The following DPPA2 variants were observed in gnomAD, a reference collection of about 807,000 sequenced individuals.
The protein encoded by DPPA2 is developmental pluripotency associated 2.
Under a neutral mutation model 36.2 loss-of-function variants are expected in DPPA2, and 26 were observed. That is an observed-to-expected ratio of 0.72 (90% confidence interval 0.53 to 1.00). The LOEUF is 1.00. Ranked by LOEUF, DPPA2 falls within the 50% of genes least tolerant of loss-of-function variation. DPPA2 has a pLI of 0.00. For synonymous variants in DPPA2, 113 were observed against 123.2 expected (o/e 0.92, Z 0.55); for missense variants, 361 against 365.1 (o/e 0.99, Z 0.09).
At chr3:109,297,086 C>G (rs1370706361) in intron 8 of DPPA2, among the ~76,000 whole-genome samples, 2 of 150,240 alleles carry the variant, frequency 1.3e-5, no homozygotes, top group African/African-American at 4.9e-5. Flanking sequence ...GACATTCTCT[C>G]AATAAAAAAT....
At chr3:109,308,939 A>G (rs930073119) in intron 5 of DPPA2, 87 bp downstream of exon 5, 4 of 1,494,480 alleles carry the variant, frequency 2.7e-6, no homozygotes, top group Non-Finnish European at 3.7e-6. Flanking sequence ...CCTTAGAGGT[A>G]CAACACATAG....
intron 8 of DPPA2, among the ~76,000 whole-genome samples, chr3:109,299,506 G>A (rs1707420338): frequency 6.6e-6 from 1 of 151,470 alleles, no homozygotes. Flanking sequence ...AACAGAGTGA[G>A]ACTCTGTCTC....
chr3:109,315,794 C>G (rs942451216), intron 1 of DPPA2, among the ~76,000 whole-genome samples: 5 of 151,694 alleles, frequency 3.3e-5, no homozygotes, highest in Non-Finnish European at 7.4e-5. Context: ...TTTGGGAGGC[C>G]GAGGAAGGAC....
At chr3:109,301,788 C>T (rs1707461545) in intron 7 of DPPA2, among the ~76,000 whole-genome samples, 2 of 152,108 alleles carry the variant, frequency 1.3e-5, no homozygotes, top group Non-Finnish European at 2.9e-5. Context: ...AAAGGAACCT[C>T]CCTTGAGGTT....
chr3:109,299,951 A>G (rs534797683), intron 8 of DPPA2, among the ~76,000 whole-genome samples: 3 of 152,254 alleles, frequency 2.0e-5, no homozygotes, highest in Admixed American at 6.5e-5. Context: ...AATGTAGCAC[A>G]CTAATGCAAG....
At chr3:109,296,688 T>TAAAAAAAAA (rs35910479) in intron 8 of DPPA2, among the ~76,000 whole-genome samples, 2 of 147,226 alleles carry the variant, frequency 1.4e-5, no homozygotes, top group East Asian at 4.0e-4. Flanking sequence ...AAAAAAATAA[T>TAAAAAAAAA]AAAAAAAAAA....
At chr3:109,314,605 T>C (rs1707760241) in intron 1 of DPPA2, 50 bp from the exon 2 acceptor site, 4 of 1,520,376 alleles carry the variant, frequency 2.6e-6, no homozygotes, top group Middle Eastern at 1.8e-4. Context: ...TTTACTTCTC[T>C]TAACCTGCTT....
chr3:109,308,448 C>T (rs552467807), intron 5 of DPPA2, among the ~76,000 whole-genome samples, 155 bp from the exon 6 acceptor site: 3 of 152,224 alleles, frequency 2.0e-5, no homozygotes, highest in East Asian at 1.9e-4. Flanking sequence ...CCGCAACCTC[C>T]GCCTCCCAGG....
At chr3:109,310,386 C>CAA (rs1707681385) in intron 3 of DPPA2, among the ~76,000 whole-genome samples, 1 of 86,934 alleles carries the variant, frequency 1.2e-5, no homozygotes, top group Non-Finnish European at 2.0e-5. Context: ...CCAGCCTGGG[C>CAA]AATACAGTGA....
chr3:109,303,429 G>T (rs1392611865), intron 7 of DPPA2, among the ~76,000 whole-genome samples: 1 of 149,454 alleles, frequency 6.7e-6, no homozygotes, highest in African/African-American at 2.5e-5. Context: ...GGAGTGCAAT[G>T]GCACAATCTC....
intron 6 of DPPA2, 26 bp downstream of exon 6, chr3:109,308,006 G>T: frequency 6.2e-7 from 1 of 1,607,474 alleles, no homozygotes; most frequent in Non-Finnish European, 8.5e-7. Flanking sequence ...TCTGGAGTGG[G>T]ACTCACACTT....
intron 8 of DPPA2, among the ~76,000 whole-genome samples, chr3:109,296,868 A>T (rs570699170): frequency 6.6e-6 from 1 of 152,152 alleles, no homozygotes; most frequent in East Asian, 1.9e-4. Flanking sequence ...CTGATGGATC[A>T]CTTGAGCCAG....
intron 5 of DPPA2, 88 bp downstream of exon 5, chr3:109,308,938 T>C (rs1281450372): frequency 9.4e-6 from 14 of 1,487,052 alleles, no homozygotes; most frequent in Non-Finnish European, 1.3e-5. Context: ...GCCTTAGAGG[T>C]ACAACACATA....
At chr3:109,308,519 T>C (rs1559698282) in intron 5 of DPPA2, among the ~76,000 whole-genome samples, 1 of 152,242 alleles carries the variant, frequency 6.6e-6, no homozygotes, top group East Asian at 1.9e-4. Flanking sequence ...TGTGCCACCA[T>C]GTCCGGCTAA....
chr3:109,310,637 G>C (rs1249550280), intron 3 of DPPA2, among the ~76,000 whole-genome samples: 15 of 147,286 alleles, frequency 1.0e-4, no homozygotes, highest in African/African-American at 3.0e-4. Context: ...TCCCGAGTAG[G>C]TGGGACTACA....
chr3:109,308,944 A>G, intron 5 of DPPA2, 82 bp downstream of exon 5: 2 of 1,514,624 alleles, frequency 1.3e-6, no homozygotes, highest in Non-Finnish European at 1.8e-6. Context: ...GAGGTACAAC[A>G]CATAGATATG....
In DPPA2 at chr3:109,309,260, G is replaced by C. The variant is rs539080438; in HGVS notation, c.252C>G (p.Pro84=). The C allele has an allele frequency of 8.7e-5, 140 of 1,614,192 alleles. No homozygotes were observed. The South Asian group carries it at 1.4e-3, about 16-fold the overall frequency. ...QKARCKIPAL[P]LPTILPPINK... ...TAATGGGAGGCAAAATGGTCGGCAA[G>C]GGAAGGGCTGGTATTTTGCATCTAG... The change falls in exon 4 of 9, where the codon CCC becomes CCG. Residue 84 remains proline (P), a synonymous_variant. Transcript: ENST00000478945.
intron 2 of DPPA2, among the ~76,000 whole-genome samples, chr3:109,314,293 A>C (rs913256565): frequency 6.6e-6 from 1 of 152,136 alleles, no homozygotes; most frequent in African/African-American, 2.4e-5. Flanking sequence ...CTAAGAGGAG[A>C]AAATTTTACT....
intron 8 of DPPA2, 113 bp downstream of exon 8, chr3:109,300,258 T>G (rs1707434835): frequency 1.2e-6 from 1 of 823,884 alleles, no homozygotes; most frequent in African/African-American, 1.7e-5. Context: ...ATTTATGTCC[T>G]GTTTTTTAGT....
Sources: gnomAD v4.1 joint callset for allele counts (sites outside exome capture counted in the v4.1 genomes callset) on GRCh38, gnomAD v4.1.1 for gene constraint, MANE v1.5 for transcripts, NCBI Gene and HGNC (gene_info 2026-07-23, HGNC 2026-07-21) for gene names.